Variants in AFF1 observed in about 807,000 individuals in gnomAD.
The protein encoded by AFF1 is AF4/FMR2 family member 1.
In AFF1, 48 loss-of-function variants were observed where a neutral mutation model predicts 121.7. That is an observed-to-expected ratio of 0.39 (90% CI 0.31 to 0.50). The LOEUF is 0.50. Ranked by LOEUF, AFF1 falls within the 20% of genes least tolerant of loss-of-function variation. The pLI is 0.76. For missense variants in AFF1, 1,523 were observed against 1,511.7 expected (o/e 1.01, Z -0.12); for synonymous variants, 613 against 563.0 (o/e 1.09, Z -1.26).
intron 2 of AFF1, among the ~76,000 whole-genome samples, chr4:86,999,824 A>C (rs1391567634): frequency 6.6e-6 from 1 of 152,178 alleles, no homozygotes; most frequent in Non-Finnish European, 1.5e-5. Context: ...TGGTGTAAGA[A>C]GCTTGGCAGT....
rs554771868 is a variant in AFF1 at position 87,125,156 on chromosome 4, A to T, written c.2573+13A>T. On this transcript the variant is annotated intron_variant, in intron 13 of 20. Transcript: ENST00000395146. ...CTTCTAAAACAAAGTGAGTATAGAG[A>T]TTAGCAACCACCTAATCTACGGTGA... 13 of 1,593,796 alleles carry T rather than the reference A, an allele frequency of 8.2e-6. No individual in the cohort carries two copies. Among genetic ancestry groups the T allele is most frequent in the African/African-American group, 1.3e-5 (1 of 74,358 alleles).
intron 11 of AFF1, among the ~76,000 whole-genome samples, chr4:87,113,450 T>C (rs1726764084): frequency 6.6e-6 from 1 of 152,120 alleles, no homozygotes; most frequent in Non-Finnish European, 1.5e-5. Context: ...TTTTAGTTTT[T>C]TGTAGCAATG....
intron 2 of AFF1, among the ~76,000 whole-genome samples, chr4:87,006,657 C>T (rs926996425): frequency 6.6e-6 from 1 of 152,244 alleles, no homozygotes; most frequent in African/African-American, 2.4e-5. Context: ...TCACTGCCGC[C>T]TCTGGGGGCC....
At chr4:87,093,578 G>T (rs1235655447) in intron 7 of AFF1, among the ~76,000 whole-genome samples, 1 of 152,180 alleles carries the variant, frequency 6.6e-6, no homozygotes, top group African/African-American at 2.4e-5. Flanking sequence ...CCCAGACCCT[G>T]TGGAATTTAG....
At chr4:87,029,943 A>G (rs998679702) in intron 2 of AFF1, among the ~76,000 whole-genome samples, 1 of 152,128 alleles carries the variant, frequency 6.6e-6, no homozygotes, top group Non-Finnish European at 1.5e-5. Context: ...CACACATCAC[A>G]TTTTGCTAAT....
chr4:87,073,554 C>T (rs1722346605), intron 4 of AFF1, among the ~76,000 whole-genome samples: 1 of 152,058 alleles, frequency 6.6e-6, no homozygotes, highest in South Asian at 2.1e-4. Context: ...AGAAAACCAA[C>T]ACCTACTCCA....
At chr4:86,975,166 C>G (rs1723215278) in intron 2 of AFF1, among the ~76,000 whole-genome samples, 1 of 152,164 alleles carries the variant, frequency 6.6e-6, no homozygotes. Context: ...TTTCCCATTC[C>G]TCTGTGTTTC....
In AFF1 at chr4:87,040,871, CTTTTTTTTTT is replaced by C. The variant is rs780348229; in HGVS notation, c.39-5282_39-5273del. On this transcript the variant is annotated intron_variant, in intron 2 of 20. Transcript: ENST00000395146. ...TACAGGCGTGAGCCACCATGCCCTGCTTTTTTTTTTTTTTTTTTTTTTGAGATGGAGTCTT... is the reference window on the plus strand; with the variant it reads ...TACAGGCGTGAGCCACCATGCCCTGCTTTTTTTTTTTTGAGATGGAGTCTT... Among the ~76,000 whole-genome samples the C allele has an allele frequency of 3.0e-5, 2 of 67,110 alleles. 1 individual carries two copies. Among genetic ancestry groups the C allele is most frequent in the African/African-American group, 1.7e-4 (2 of 12,094 alleles). The allele number at this position is 67,110 out of a possible 152,430, so 44.0% of individuals were successfully genotyped here.
chr4:87,129,179 A>G (rs1184637746), intron 16 of AFF1, among the ~76,000 whole-genome samples: 1 of 152,240 alleles, frequency 6.6e-6, no homozygotes, highest in African/African-American at 2.4e-5. Flanking sequence ...CTCTTAAAAT[A>G]TGCCAGCTTG....
chr4:87,131,929 GA>G (rs1560663490), intron 18 of AFF1, 65 bp downstream of exon 18: 1 of 1,356,946 alleles, frequency 7.4e-7, no homozygotes. Flanking sequence ...GTTACAAAAA[GA>G]TTCTGAAATT....
intron 2 of AFF1, among the ~76,000 whole-genome samples, chr4:87,032,195 G>T (rs1482713674): frequency 6.6e-6 from 1 of 152,064 alleles, no homozygotes; most frequent in Non-Finnish European, 1.5e-5. Flanking sequence ...AGGTGAGCTG[G>T]GGTTATGATG....
chr4:87,006,156 G>A (rs1045464904), intron 2 of AFF1, among the ~76,000 whole-genome samples: 4 of 152,124 alleles, frequency 2.6e-5, no homozygotes, highest in African/African-American at 7.2e-5. Flanking sequence ...TTTATGAGAC[G>A]GGCAATGTTG....
At chr4:87,097,153 A>G (rs1016102007) in intron 8 of AFF1, among the ~76,000 whole-genome samples, 1 of 152,196 alleles carries the variant, frequency 6.6e-6, no homozygotes, top group Admixed American at 6.5e-5. Context: ...GGCCCTGACC[A>G]TTGTCTTTGG....
At chr4:87,115,836 T>C (rs1279241584) in intron 12 of AFF1, among the ~76,000 whole-genome samples, 1 of 151,982 alleles carries the variant, frequency 6.6e-6, no homozygotes, top group African/African-American at 2.4e-5. Context: ...CTCTTGAACA[T>C]CTGAGCTCAA....
At chr4:86,982,348 A>C (rs1723814674) in intron 2 of AFF1, among the ~76,000 whole-genome samples, 1 of 149,862 alleles carries the variant, frequency 6.7e-6, no homozygotes, top group Admixed American at 6.6e-5. Flanking sequence ...AAATTATATG[A>C]CAAGAAGAAG....
intron 4 of AFF1, among the ~76,000 whole-genome samples, chr4:87,082,891 TAAATTAG>T (rs1227020928): frequency 6.6e-6 from 1 of 152,208 alleles, no homozygotes; most frequent in Non-Finnish European, 1.5e-5. Context: ...AAATTACACA[TAAATTAG>T]AACCAAGAAC....
At chr4:87,036,535 G>A (rs541702213) in intron 2 of AFF1, among the ~76,000 whole-genome samples, 1 of 152,148 alleles carries the variant, frequency 6.6e-6, no homozygotes, top group South Asian at 2.1e-4. Flanking sequence ...GAATACATTA[G>A]CTCATCTGTC....
At chr4:87,012,858 G>C (rs1023132008) in intron 2 of AFF1, among the ~76,000 whole-genome samples, 2 of 152,014 alleles carry the variant, frequency 1.3e-5, no homozygotes, top group African/African-American at 2.4e-5. Flanking sequence ...TCCCTCCCCT[G>C]TGCAAACTTT....
chr4:87,018,255 C>A (rs1450015305), intron 2 of AFF1, among the ~76,000 whole-genome samples: 4 of 152,152 alleles, frequency 2.6e-5, no homozygotes, highest in Non-Finnish European at 5.9e-5. Context: ...TGTCTCCCTC[C>A]CTACAAGGAG....
Sources: gnomAD v4.1 joint callset for allele counts (sites outside exome capture counted in the v4.1 genomes callset) on GRCh38, gnomAD v4.1.1 for gene constraint, MANE v1.5 for transcripts, NCBI Gene and HGNC (gene_info 2026-07-23, HGNC 2026-07-21) for gene names.